The following DMD variants were observed in gnomAD, a reference collection of about 807,000 sequenced individuals.
DMD encodes dystrophin, also known as mutant dystrophin.
DMD carries 63 observed loss-of-function variants against 330.1 expected under a neutral mutation model. The observed-to-expected ratio is 0.19, with a 90% CI of 0.16 to 0.24. DMD has a LOEUF of 0.24. Ranked by LOEUF, DMD falls within the 10% of genes least tolerant of loss-of-function variation. The pLI is 1.00. For synonymous variants in DMD, 1,223 were observed against 959.8 expected, an observed-to-expected ratio of 1.27 and a Z score of -5.07; for missense variants, 3,344 against 2,684.1, an observed-to-expected ratio of 1.25 and a Z score of -5.43.
chrX:32,433,409 G>C (rs1034626351), intron 29 of DMD, among the ~76,000 whole-genome samples: 15 of 111,899 alleles, frequency 1.3e-4, no homozygotes, highest in South Asian at 1.1e-3. Context: ...CGGATGCGGT[G>C]GCTCACGCCT....
intron 60 of DMD, among the ~76,000 whole-genome samples, chrX:31,389,533 TA>T (rs2060602321): frequency 8.9e-6 from 1 of 112,024 alleles, no homozygotes; most frequent in Non-Finnish European, 1.9e-5. Flanking sequence ...AGGAATAAGA[TA>T]AAGATGCCGA....
intron 76 of DMD, among the ~76,000 whole-genome samples, chrX:31,145,036 T>C (rs1232377451): frequency 8.9e-6 from 1 of 112,222 alleles, no homozygotes; most frequent in Non-Finnish European, 1.9e-5. Flanking sequence ...GAACAGAACA[T>C]GTGGACCATT....
At chrX:32,565,931 A>G (rs2051652175) in intron 15 of DMD, 50 bp from the exon 16 acceptor site, 21 of 1,067,871 alleles carry the variant, frequency 2.0e-5, no homozygotes, top group Non-Finnish European at 2.7e-5. Flanking sequence ...CATTCCATAC[A>G]CCACTATAGT....
At chrX:31,941,098 T>C (rs948927888) in intron 45 of DMD, among the ~76,000 whole-genome samples, 3 of 111,989 alleles carry the variant, frequency 2.7e-5, no homozygotes, top group South Asian at 3.7e-4. Context: ...CCCCAGATTT[T>C]TGTGTGTGCT....
At chrX:31,442,903 C>A (rs1229298915) in intron 60 of DMD, among the ~76,000 whole-genome samples, 1 of 111,101 alleles carries the variant, frequency 9.0e-6, no homozygotes, top group East Asian at 2.8e-4. Flanking sequence ...GAATACAAAT[C>A]TTTCAGGACT....
At chrX:33,302,837 G>T (rs143777666) in intron 1 of DMD, among the ~76,000 whole-genome samples, 1 of 111,288 alleles carries the variant, frequency 9.0e-6, no homozygotes, top group Non-Finnish European at 1.9e-5. Flanking sequence ...GCATTCTATG[G>T]ATTTGGACAA....
At chrX:32,634,406 C>A (rs889035827) in intron 11 of DMD, among the ~76,000 whole-genome samples, 1 of 112,061 alleles carries the variant, frequency 8.9e-6, no homozygotes, top group Non-Finnish European at 1.9e-5. Context: ...CAGAAGGATT[C>A]TCTCCCTGTA....
At chrX:33,158,453 G>C (rs1451065155) in intron 1 of DMD, among the ~76,000 whole-genome samples, 1 of 111,179 alleles carries the variant, frequency 9.0e-6, no homozygotes, top group Admixed American at 9.6e-5. Flanking sequence ...CCTCAGGCCT[G>C]TCCTAGCTGG....
intron 44 of DMD, among the ~76,000 whole-genome samples, chrX:32,142,968 T>C (rs1313503726): frequency 1.8e-5 from 2 of 111,613 alleles, no homozygotes; most frequent in Non-Finnish European, 3.8e-5. Flanking sequence ...GGTTTTCTTA[T>C]CATCATCCTT....
At chrX:32,278,712 A>G (rs907751901) in intron 43 of DMD, among the ~76,000 whole-genome samples, 2 of 112,105 alleles carry the variant, frequency 1.8e-5, no homozygotes, top group African/African-American at 6.5e-5. Flanking sequence ...CTAAGAAACT[A>G]CTACAAGGAA....
At chrX:31,920,099 G>A (rs1406948376) in intron 47 of DMD, among the ~76,000 whole-genome samples, 1 of 112,057 alleles carries the variant, frequency 8.9e-6, no homozygotes, top group East Asian at 2.8e-4. Context: ...CCAGCATTTG[G>A]TATCCCTTTT....
intron 74 of DMD, among the ~76,000 whole-genome samples, chrX:31,156,548 C>T (rs964244017): frequency 2.7e-5 from 3 of 111,369 alleles, no homozygotes; most frequent in African/African-American, 6.5e-5. Context: ...TTACTTGCCT[C>T]TGCTGCTTGC....
At chrX:32,120,216 T>C (rs1006064402) in intron 44 of DMD, among the ~76,000 whole-genome samples, 1 of 112,374 alleles carries the variant, frequency 8.9e-6, no homozygotes, top group African/African-American at 3.2e-5. Flanking sequence ...ATTTGCCTTG[T>C]CCATGTTATA....
intron 1 of DMD, among the ~76,000 whole-genome samples, chrX:33,259,609 CAAA>C (rs202121417): frequency 1.8e-5 from 1 of 56,709 alleles, no homozygotes; most frequent in African/African-American, 6.5e-5. Context: ...CCCCCCCCCC[CAAA>C]AAAAAAAAGG....
chrX:31,976,306 G>A (rs1289395475), intron 44 of DMD, among the ~76,000 whole-genome samples: 1 of 111,066 alleles, frequency 9.0e-6, no homozygotes, highest in Non-Finnish European at 1.9e-5. Flanking sequence ...GAACTCAGAG[G>A]AAATATTAGG....
chrX:33,203,759 G>C (rs2051412519), intron 1 of DMD, among the ~76,000 whole-genome samples: 1 of 108,782 alleles, frequency 9.2e-6, no homozygotes, highest in African/African-American at 3.4e-5. Context: ...TCCACTCCAT[G>C]AGTTGCATAT....
intron 2 of DMD, among the ~76,000 whole-genome samples, chrX:32,936,890 A>T (rs1431451208): frequency 8.9e-6 from 1 of 111,978 alleles, no homozygotes; most frequent in Admixed American, 9.5e-5. Context: ...TCTCCTACAC[A>T]TTATCAAAAA....
intron 7 of DMD, among the ~76,000 whole-genome samples, chrX:32,790,878 T>C (rs2075766580): frequency 9.0e-6 from 1 of 111,303 alleles, no homozygotes; most frequent in Non-Finnish European, 1.9e-5. Flanking sequence ...CACCTGAGCA[T>C]TGCACAAGGG....
intron 43 of DMD, among the ~76,000 whole-genome samples, chrX:32,276,369 G>A (rs912860698): frequency 8.9e-6 from 1 of 112,392 alleles, no homozygotes; most frequent in African/African-American, 3.2e-5. Flanking sequence ...GACTAGGGTG[G>A]CATGTGACCT....
Sources: gnomAD v4.1 joint callset for allele counts (sites outside exome capture counted in the v4.1 genomes callset) on GRCh38, gnomAD v4.1.1 for gene constraint, MANE v1.5 for transcripts, NCBI Gene and HGNC (gene_info 2026-07-23, HGNC 2026-07-21) for gene names.